RGS22: variants seen among roughly 807,000 people sequenced by gnomAD.
The protein encoded by RGS22 is regulator of G-protein signaling 22.
In RGS22, 148 loss-of-function variants were observed where a neutral mutation model predicts 172.9. That is an observed-to-expected ratio of 0.86 (90% CI 0.75 to 0.98). The LOEUF (loss-of-function observed/expected upper bound fraction) is 0.98. RGS22 is among the 50% of genes least tolerant of loss of function. RGS22 has a pLI of 0.00. For missense variants in RGS22, 1,347 were observed against 1,440.8 expected (o/e 0.93, Z 1.05); for synonymous variants, 458 against 480.2 (o/e 0.95, Z 0.60).
At chr8:100,020,602 T>C (rs1817507735) in intron 14 of RGS22, among the ~76,000 whole-genome samples, 2 of 152,200 alleles carry the variant, frequency 1.3e-5, no homozygotes, top group Non-Finnish European at 2.9e-5. Context: ...CTTCCTCCCT[T>C]ATAAGCAATG....
intron 11 of RGS22, among the ~76,000 whole-genome samples, chr8:100,043,750 C>T (rs557599369): frequency 1.1e-4 from 16 of 150,790 alleles, no homozygotes; most frequent in Admixed American, 2.6e-4. Context: ...CACTCCAGGC[C>T]GGGCAGAGTG....
chr8:100,077,644 T>C (rs1811450955), intron 4 of RGS22, among the ~76,000 whole-genome samples: 1 of 152,218 alleles, frequency 6.6e-6, no homozygotes, highest in Non-Finnish European at 1.5e-5. Context: ...CAAAATGTGG[T>C]CTATTTTGGT....
chr8:100,019,618 T>C (rs1312898111), intron 14 of RGS22, among the ~76,000 whole-genome samples: 1 of 152,182 alleles, frequency 6.6e-6, no homozygotes, highest in Non-Finnish European at 1.5e-5. Flanking sequence ...TTAACTAAAA[T>C]TGATGACATT....
At chr8:99,964,271 G>T (rs1265608139) in intron 24 of RGS22, among the ~76,000 whole-genome samples, 4 of 152,018 alleles carry the variant, frequency 2.6e-5, no homozygotes, top group African/African-American at 9.7e-5. Flanking sequence ...TGGGCAACAT[G>T]GCGAAACCTC....
intron 2 of RGS22, among the ~76,000 whole-genome samples, chr8:100,101,562 A>G (rs1217760904): frequency 1.3e-5 from 2 of 150,684 alleles, no homozygotes; most frequent in Non-Finnish European, 3.0e-5. Flanking sequence ...CAAAGTGCTG[A>G]GATTACAAGC....
Position 100,067,428 on chromosome 8 carries a change from A to T in RGS22, c.595-1132T>A, listed in dbSNP as rs972733893. Among the ~76,000 whole-genome samples the T allele has an allele frequency of 2.6e-5, 4 of 152,238 alleles. No individual in the cohort carries two copies. The East Asian group carries it at 7.7e-4, about 29-fold the overall frequency. The stretch of plus-strand genomic sequence containing the variant: ...TCATCTAACATATAATTATCGAGTG[A>T]CTACTTTATTCTAAGCAATAGCCTA... On this transcript the variant is annotated intron_variant, in intron 6 of 27. Coordinates refer to ENST00000360863, the MANE Select transcript of RGS22 (RefSeq NM_015668.5).
chr8:100,102,063 C>G (rs1263194524), intron 2 of RGS22, among the ~76,000 whole-genome samples: 1 of 152,196 alleles, frequency 6.6e-6, no homozygotes, highest in Non-Finnish European at 1.5e-5. Context: ...ACTGCTTTAG[C>G]TCCAGCATCA....
intron 6 of RGS22, among the ~76,000 whole-genome samples, chr8:100,067,351 C>T (rs1810604652): frequency 6.6e-6 from 1 of 152,160 alleles, no homozygotes; most frequent in South Asian, 2.1e-4. Flanking sequence ...GACTAATTCA[C>T]TTTTGTTCCC....
rs1324461831 is a variant in RGS22, at chr8:100,104,359, TGTA to T, written c.54+1012_54+1014del. ...GTGTGTGTGTGTGTGTGTGTGTGTG[TGTA>T]TTTTTTTTTTTCTTAAAGCAGAGCT... On this transcript the variant is annotated intron_variant, in intron 2 of 27. Transcript: ENST00000360863. Among the ~76,000 whole-genome samples the T allele has an allele frequency of 1.2e-3, 175 of 143,200 alleles. 1 individual carries two copies. The highest frequency in any genetic ancestry group is 4.2e-3 in the African/African-American group (152 of 35,774). The allele number at this position is 143,200 out of a possible 152,430, so 93.9% of individuals were successfully genotyped here.
chr8:99,996,438 A>G (rs1474775040), intron 20 of RGS22, 24 bp downstream of exon 20: 6 of 1,590,282 alleles, frequency 3.8e-6, no homozygotes, highest in Admixed American at 1.7e-5. Flanking sequence ...TTACAAGAGG[A>G]AGAATATAAC....
At chr8:99,977,360 C>A (rs1202856523) in intron 23 of RGS22, among the ~76,000 whole-genome samples, 1 of 147,400 alleles carries the variant, frequency 6.8e-6, no homozygotes, top group Non-Finnish European at 1.5e-5. Flanking sequence ...TGAGCTCAGG[C>A]AATCCGCCCG....
At chr8:99,962,815 CAA>C in intron 25 of RGS22, 48 bp from the exon 26 acceptor site, 3 of 1,583,014 alleles carry the variant, frequency 1.9e-6, no homozygotes, top group Non-Finnish European at 2.6e-6. Flanking sequence ...TAAATATTGG[CAA>C]AGTCTTCTAA....
rs565768310 is a variant in RGS22, at chr8:99,984,012, G to C, written c.3181-1896C>G. Among the ~76,000 whole-genome samples, 4 of 152,304 alleles carry C rather than the reference G, an allele frequency of 2.6e-5. No homozygotes were observed. In the East Asian group the frequency reaches 5.8e-4, roughly 22 times the overall value. ...AATAAAGCCTATTTAGGCCAGGTGT[G>C]GTGGCTTATGCCTGTAATCCCAACA... On this transcript the variant is annotated intron_variant, in intron 21 of 27. Coordinates refer to ENST00000360863, the MANE Select transcript of RGS22 (RefSeq NM_015668.5).
At chr8:99,989,877 T>C (rs1438136049) in intron 20 of RGS22, among the ~76,000 whole-genome samples, 1 of 147,234 alleles carries the variant, frequency 6.8e-6, no homozygotes, top group African/African-American at 2.5e-5. Context: ...GATAGATAGA[T>C]AGATAGATAG....
At chr8:100,076,800 C>T (rs1052469774) in intron 4 of RGS22, among the ~76,000 whole-genome samples, 1 of 151,628 alleles carries the variant, frequency 6.6e-6, no homozygotes, top group African/African-American at 2.4e-5. Context: ...CGAGAGCAGC[C>T]TGGCCGACAT....
chr8:100,037,439 C>T (rs1254582371), intron 14 of RGS22, among the ~76,000 whole-genome samples: 1 of 152,056 alleles, frequency 6.6e-6, no homozygotes, highest in Non-Finnish European at 1.5e-5. Context: ...CATTGTTTTC[C>T]TCTCACCCTG....
rs183195860 is a variant in RGS22, at chr8:100,080,413, C to A, written c.118-58G>T. ...TTTTAAACCTGGAAACTCATGGTCT[C>A]TAAGAAGACTTGTGGTTTACATACA... On this transcript the variant is annotated intron_variant, in intron 3 of 27. Transcript: ENST00000360863. 55 of 1,251,254 alleles carry A rather than the reference C, an allele frequency of 4.4e-5. No homozygotes were observed. In the East Asian group the frequency reaches 1.3e-3, roughly 30 times the overall value. The allele number at this position is 1,251,254 out of a possible 1,614,324, so 77.5% of individuals were successfully genotyped here.
intron 23 of RGS22, among the ~76,000 whole-genome samples, chr8:99,970,795 G>C (rs1811256015): frequency 6.6e-6 from 1 of 152,162 alleles, no homozygotes; most frequent in Non-Finnish European, 1.5e-5. Context: ...AATTCTACCA[G>C]AGGTACAAAG....
At chr8:100,096,599 G>A (rs73276932) in intron 2 of RGS22, among the ~76,000 whole-genome samples, 5,843 of 125,574 alleles carry the variant, frequency 0.047, 324 homozygotes, top group African/African-American at 0.17. Flanking sequence ...CAAATCAGAT[G>A]AACTACAATT....
Sources: allele counts gnomAD v4.1 joint callset (sites outside exome capture counted in the v4.1 genomes callset), GRCh38; gene constraint gnomAD v4.1.1; transcripts MANE v1.5; gene names NCBI Gene and HGNC (gene_info 2026-07-23, HGNC 2026-07-21).